The following ADNP variants were observed in gnomAD, a reference collection of about 807,000 sequenced individuals.
ADNP encodes the protein activity dependent neuroprotector homeobox.
Under a neutral mutation model 84.9 loss-of-function variants are expected in ADNP, and 4 were observed. The observed-to-expected ratio is 0.05, with a 90% confidence interval of 0.02 to 0.11. The LOEUF is 0.11. Ranked by LOEUF, ADNP falls within the 10% of genes least tolerant of loss-of-function variation. The pLI, the probability that ADNP is intolerant of heterozygous loss-of-function variation, is 1.00. For synonymous variants in ADNP, 554 were observed against 468.1 expected (o/e 1.18, Z -2.37); for missense variants, 1,132 against 1,326.0 (o/e 0.85, Z 2.27).
intron 2 of ADNP, among the ~76,000 whole-genome samples, chr20:50,910,015 A>AAGCT (rs1982885003): frequency 6.6e-6 from 1 of 152,200 alleles, no homozygotes; most frequent in East Asian, 1.9e-4. Context: ...GTTTCTGCCT[A>AAGCT]AGCTAAGTTC....
At chr20:50,919,287 AAG>A (rs1491308085) in intron 2 of ADNP, among the ~76,000 whole-genome samples, 1,528 of 127,852 alleles carry the variant, frequency 0.012, 103 homozygotes, top group African/African-American at 0.053. Context: ...ACATATATTT[AAG>A]TGTATATATA....
At chr20:50,917,757 C>T (rs1318091899) in intron 2 of ADNP, among the ~76,000 whole-genome samples, 1 of 152,058 alleles carries the variant, frequency 6.6e-6, no homozygotes, top group East Asian at 1.9e-4. Context: ...CACATAAACT[C>T]GTGTATCAAT....
intron 2 of ADNP, among the ~76,000 whole-genome samples, chr20:50,912,393 G>A (rs953311187): frequency 2.0e-5 from 3 of 152,096 alleles, no homozygotes; most frequent in Admixed American, 1.3e-4. Flanking sequence ...CAAGTGATCT[G>A]CCTGTCTTGG....
intron 2 of ADNP, among the ~76,000 whole-genome samples, chr20:50,928,023 T>A (rs1437493059): frequency 6.6e-6 from 1 of 152,266 alleles, no homozygotes; most frequent in African/African-American, 2.4e-5. Context: ...CATTTAAATA[T>A]GTGATTTTTC....
At chr20:50,922,936 G>C (rs983727556) in intron 2 of ADNP, among the ~76,000 whole-genome samples, 2 of 152,022 alleles carry the variant, frequency 1.3e-5, no homozygotes, top group African/African-American at 4.8e-5. Flanking sequence ...CTTCCCCGGG[G>C]TATAGGGCCA....
rs777162165 is a variant in ADNP at position 50,892,363 on chromosome 20, C to A, written c.2351G>T (p.Arg784Ile). The A allele has an allele frequency of 6.2e-7, 1 of 1,614,216 alleles. No homozygotes were observed. Among genetic ancestry groups the A allele is most frequent in the Non-Finnish European group, 8.5e-7 (1 of 1,180,054 alleles). The change falls in exon 6 of 6, where the codon AGA becomes ATA. Residue 784 changes from arginine (R) to isoleucine (I), a missense_variant. Arg to Ile is a moderately conservative substitution (Grantham distance 97, BLOSUM62 -3). This residue lies in a region of ADNP where 41 missense variants were observed against 78.4 expected (regional missense o/e 0.52). Coordinates refer to ENST00000621696, the MANE Select transcript of ADNP (RefSeq NM_001282531.3). ...YFNKQPYPTRREIEKLAASLW... is the reference protein window; with the variant it reads ...YFNKQPYPTRIEIEKLAASLW... ...ACTGGCTGCTAGCTTCTCAATTTCT[C>A]TCCTGGTGGGATAGGGCTGTTTGTT... is the stretch of plus-strand genomic sequence containing the variant.
At chr20:50,895,130 G>T (rs1568713026) in intron 5 of ADNP, among the ~76,000 whole-genome samples, 1 of 152,164 alleles carries the variant, frequency 6.6e-6, no homozygotes, top group Non-Finnish European at 1.5e-5. Flanking sequence ...CTAAATGAAG[G>T]AAGTTACTAA....
At chr20:50,920,515 G>C (rs1983885738) in intron 2 of ADNP, among the ~76,000 whole-genome samples, 1 of 150,846 alleles carries the variant, frequency 6.6e-6, no homozygotes, top group African/African-American at 2.4e-5. Context: ...AGGAGGCAGA[G>C]GTTGAGATCG....
At chr20:50,896,559 C>CA (rs759232491) in intron 5 of ADNP, among the ~76,000 whole-genome samples, 60 of 149,792 alleles carry the variant, frequency 4.0e-4, no homozygotes, top group East Asian at 2.5e-3. Context: ...GACCCCGTCT[C>CA]AAAAAAAAAC....
rs1274964577 is a variant in ADNP, at chr20:50,895,837, A to AT, written c.202-1326dup. On this transcript the variant is annotated intron_variant, in intron 5 of 5. Coordinates refer to ENST00000621696, the MANE Select transcript of ADNP (RefSeq NM_001282531.3). Reference sequence around the variant, plus strand: ...GCCGCTGTGCCGAGCCCTAAAAAATATTTTTTCTTCAATAATAACCTCAGC... The same window carrying AT: ...GCCGCTGTGCCGAGCCCTAAAAAATATTTTTTTCTTCAATAATAACCTCAGC... Among the ~76,000 whole-genome samples the AT allele has an allele frequency of 7.2e-5, 11 of 152,194 alleles. No homozygotes were observed. The East Asian group carries it at 1.5e-3, about 21-fold the overall frequency.
chr20:50,924,598 T>A (rs894681022), intron 2 of ADNP, among the ~76,000 whole-genome samples: 3 of 152,192 alleles, frequency 2.0e-5, no homozygotes, highest in Non-Finnish European at 4.4e-5. Context: ...AAATTGGGAA[T>A]AGTTTATAAA....
At chr20:50,897,560 C>T (rs1001547841) in intron 5 of ADNP, among the ~76,000 whole-genome samples, 1 of 152,190 alleles carries the variant, frequency 6.6e-6, no homozygotes, top group Non-Finnish European at 1.5e-5. Flanking sequence ...TTCATACACT[C>T]CTTGATGACA....
chr20:50,924,340 GCTT>G (rs1367280501), intron 2 of ADNP, among the ~76,000 whole-genome samples: 1 of 152,214 alleles, frequency 6.6e-6, no homozygotes, highest in Non-Finnish European at 1.5e-5. Flanking sequence ...GGTGTGGCTA[GCTT>G]CTTTACATGT....
At chr20:50,908,475 G>T (rs1434660426) in intron 2 of ADNP, among the ~76,000 whole-genome samples, 3 of 152,126 alleles carry the variant, frequency 2.0e-5, no homozygotes, top group Non-Finnish European at 4.4e-5. Flanking sequence ...TGGCTCCAGG[G>T]TTCATTAATG....
At chr20:50,896,117 C>T (rs981072321) in intron 5 of ADNP, among the ~76,000 whole-genome samples, 2 of 151,890 alleles carry the variant, frequency 1.3e-5, no homozygotes, top group African/African-American at 4.8e-5. Flanking sequence ...CCCAGCTACT[C>T]GGGAGGCTGA....
At chr20:50,900,741 A>G (rs957840436) in intron 5 of ADNP, among the ~76,000 whole-genome samples, 2 of 152,186 alleles carry the variant, frequency 1.3e-5, no homozygotes, top group African/African-American at 4.8e-5. Flanking sequence ...TCCTTTCCTC[A>G]TTATGGATAA....
At chr20:50,916,388 G>GC in intron 2 of ADNP, among the ~76,000 whole-genome samples, 1 of 152,240 alleles carries the variant, frequency 6.6e-6, no homozygotes, top group South Asian at 2.1e-4. Context: ...TGTGTAACCT[G>GC]CCCATAGCTC....
chr20:50,929,698 G>A (rs894571848), intron 1 of ADNP, among the ~76,000 whole-genome samples: 1 of 151,966 alleles, frequency 6.6e-6, no homozygotes, highest in Non-Finnish European at 1.5e-5. Context: ...TAAAGAAACT[G>A]TATCAAGCTA....
chr20:50,931,336 G>T lies in ADNP; in HGVS notation c.-775C>A. 1 of 151,274 alleles carries T rather than the reference G, an allele frequency of 6.6e-6. No homozygotes were observed. Among genetic ancestry groups the T allele is most frequent in the South Asian group, 1.8e-4 (1 of 5,442 alleles). 9.4% of individuals were successfully genotyped at this position (151,274 alleles called of 1,614,324 possible). On this transcript the variant is annotated 5_prime_UTR_variant, in exon 1 of 6. Transcript: ENST00000621696. ...GCCGGCGGAGGCGGCGGCGGCAACG[G>T]GCGGGGGAGGGGGCTGATCCCGCGT...
Sources: allele counts gnomAD v4.1 joint callset (sites outside exome capture counted in the v4.1 genomes callset), GRCh38; gene constraint gnomAD v4.1.1; regional missense constraint gnomAD v4.1.1; transcripts MANE v1.5; gene names NCBI Gene and HGNC (gene_info 2026-07-23, HGNC 2026-07-21).